The following TBC1D30 variants were observed in gnomAD, a reference collection of about 807,000 sequenced individuals.
TBC1D30 encodes TBC1 domain family, member 30.
TBC1D30 carries 31 observed loss-of-function variants against 63.2 expected under a neutral mutation model. That is an observed-to-expected ratio of 0.49 (90% CI 0.37 to 0.66). TBC1D30 has a LOEUF of 0.66. Among genes scored for constraint, TBC1D30 ranks in the 30% least tolerant of loss-of-function variants. The pLI is 0.00. For synonymous variants in TBC1D30, 307 were observed against 361.5 expected (o/e 0.85, Z 1.71); for missense variants, 810 against 953.6 (o/e 0.85, Z 1.98).
In TBC1D30 at chr12:64,880,097, T is replaced by C; in HGVS notation, c.*4309T>C. 1 of 152,212 alleles carries C rather than the reference T, an allele frequency of 6.6e-6. No individual in the cohort carries two copies. 9.4% of individuals were successfully genotyped at this position (152,212 alleles called of 1,614,324 possible). ...CCATTGAAGTGGGAGTTATCTGTTA[T>C]CCACATCAGGCAGCTCAGAGTAAAG... On this transcript the variant is annotated 3_prime_UTR_variant, in exon 12 of 12. Coordinates refer to ENST00000539867, the MANE Select transcript of TBC1D30 (RefSeq NM_015279.2).
chr12:64,787,468 C>G (rs1188743651), intron 2 of TBC1D30: 4 of 651,646 alleles, frequency 6.1e-6, no homozygotes, highest in African/African-American at 2.0e-5. Context: ...TTTTGTTGCT[C>G]TTTCACTCTG....
At chr12:64,834,746 C>G (rs1170982405) in intron 5 of TBC1D30, among the ~76,000 whole-genome samples, 1 of 126,110 alleles carries the variant, frequency 7.9e-6, no homozygotes, top group Non-Finnish European at 1.6e-5. Flanking sequence ...TAAGATTTGA[C>G]CTTGGAAATA....
chr12:64,858,659 C>T lies in TBC1D30; in HGVS notation c.1039-6009C>T, dbSNP rs911239309. On this transcript the variant is annotated intron_variant, in intron 8 of 11. Coordinates refer to ENST00000539867, the MANE Select transcript of TBC1D30 (RefSeq NM_015279.2). Reference sequence around the variant, plus strand: ...GTCATTTCCTTGCTCTACACTAAGTCCTTCAGCACTTCCTTGTTACTAACC... The same window carrying T: ...GTCATTTCCTTGCTCTACACTAAGTTCTTCAGCACTTCCTTGTTACTAACC... Among the ~76,000 whole-genome samples, 123 of 152,206 alleles carry T rather than the reference C, an allele frequency of 8.1e-4. 1 individual carries two copies. Among genetic ancestry groups the T allele is most frequent in the Admixed American group, 8.1e-3 (123 of 15,276 alleles).
chr12:64,789,607 A>G (rs1871807117), intron 2 of TBC1D30, among the ~76,000 whole-genome samples: 1 of 152,208 alleles, frequency 6.6e-6, no homozygotes, highest in Non-Finnish European at 1.5e-5. Context: ...TCACAAGTAA[A>G]TATAATTAAT....
chr12:64,775,570 G>T (rs547753841), upstream of TBC1D30, among the ~76,000 whole-genome samples: 13 of 152,246 alleles, frequency 8.5e-5, no homozygotes, highest in African/African-American at 2.6e-4. Context: ...AATTCAACAA[G>T]AAGACCTAAC....
chr12:64,780,609 T>C (rs975334097), exon 1 of TBC1D30, among the ~76,000 whole-genome samples: 1 of 152,106 alleles, frequency 6.6e-6, no homozygotes, highest in East Asian at 1.9e-4. Context: ...GCAGTCTCCT[T>C]CTCGCCCGGT....
intron 8 of TBC1D30, among the ~76,000 whole-genome samples, chr12:64,861,205 C>A (rs929309964): frequency 1.3e-5 from 2 of 152,144 alleles, no homozygotes; most frequent in African/African-American, 4.8e-5. Flanking sequence ...CTCATGTTTT[C>A]ATATTTCTTG....
chr12:64,762,746 A>G (rs1262810209), intron 1 of TBC1D30, among the ~76,000 whole-genome samples: 1 of 152,150 alleles, frequency 6.6e-6, no homozygotes, highest in Non-Finnish European at 1.5e-5. Flanking sequence ...TCATCTCTTC[A>G]TATGATGTTA....
chr12:64,870,536 T>C (rs972666211), intron 10 of TBC1D30, 66 bp from the exon 11 acceptor site: 3 of 1,320,908 alleles, frequency 2.3e-6, no homozygotes, highest in Non-Finnish European at 3.2e-6. Context: ...TGTAGTGTTA[T>C]CAATTTCCAT....
At chr12:64,868,463 G>C (rs1410730279) in intron 10 of TBC1D30, 3 of 240,624 alleles carry the variant, frequency 1.2e-5, no homozygotes, top group Non-Finnish European at 2.4e-5. Flanking sequence ...CATAGAAGTT[G>C]CCAGCTTTTC....
At chr12:64,825,252 A>G in intron 1 of TBC1D30, 1 of 517,924 alleles carries the variant, frequency 1.9e-6, no homozygotes, top group East Asian at 3.5e-5. Context: ...CCAGGCGCGG[A>G]GAACCCGCTG....
At chr12:64,761,506 T>C (rs1010679818) in intron 1 of TBC1D30, among the ~76,000 whole-genome samples, 2 of 152,176 alleles carry the variant, frequency 1.3e-5, no homozygotes, top group African/African-American at 4.8e-5. Context: ...ATAAAGACCT[T>C]ACTGATGAAA....
upstream of TBC1D30, among the ~76,000 whole-genome samples, chr12:64,823,076 C>T (rs1312761493): frequency 2.6e-5 from 4 of 151,944 alleles, no homozygotes; most frequent in Non-Finnish European, 5.9e-5. Context: ...TAGTGTTTCC[C>T]ATATAAATAT....
intron 8 of TBC1D30, among the ~76,000 whole-genome samples, chr12:64,853,670 A>G (rs535825889): frequency 6.6e-6 from 1 of 152,316 alleles, no homozygotes; most frequent in South Asian, 2.1e-4. Flanking sequence ...GACCATGGGA[A>G]AAGCATAGTA....
intron 1 of TBC1D30, among the ~76,000 whole-genome samples, chr12:64,773,980 A>G (rs1870990742): frequency 6.6e-6 from 1 of 152,242 alleles, no homozygotes; most frequent in Admixed American, 6.5e-5. Context: ...CAGAATATGG[A>G]TAGGAACAAA....
In TBC1D30 at chr12:64,864,761, A is replaced by C. The variant is rs534757491; in HGVS notation, c.1132A>C (p.Lys378Gln). Reference sequence around the variant, plus strand: ...CATTACACCGTTCCCAGCCACAGTTAAACCCACCTCAGTTTCTGGGTAAGG... The same window carrying C: ...CATTACACCGTTCCCAGCCACAGTTCAACCCACCTCAGTTTCTGGGTAAGG... ...YNITPFPATV[K>Q]PTSVSGRHSK... Residue 378 changes from lysine to glutamine, a missense_variant, in exon 9 of 12, where the codon AAA becomes CAA. Transcript: ENST00000539867. 1 of 1,535,906 alleles carries C rather than the reference A, an allele frequency of 6.5e-7. No homozygotes were observed. The highest frequency in any genetic ancestry group is 1.2e-5 in the South Asian group (1 of 84,004).
chr12:64,777,253 G>A (rs1368329764), upstream of TBC1D30, among the ~76,000 whole-genome samples: 1 of 152,102 alleles, frequency 6.6e-6, no homozygotes, highest in Admixed American at 6.6e-5. Flanking sequence ...GGAAGTTCTG[G>A]CCAGGGCAAT....
chr12:64,806,615 T>C (rs1018378377), intron 2 of TBC1D30, among the ~76,000 whole-genome samples: 1 of 152,196 alleles, frequency 6.6e-6, no homozygotes, highest in Non-Finnish European at 1.5e-5. Flanking sequence ...GAAAACAGTA[T>C]GGTGGTTCCT....
At chr12:64,869,145 A>C (rs549239203) in intron 10 of TBC1D30, among the ~76,000 whole-genome samples, 10 of 152,274 alleles carry the variant, frequency 6.6e-5, no homozygotes, top group Non-Finnish European at 1.2e-4. Context: ...CCTTGTTCAA[A>C]GATATTAGAA....
Sources: allele counts gnomAD v4.1 joint callset (sites outside exome capture counted in the v4.1 genomes callset), GRCh38; gene constraint gnomAD v4.1.1; transcripts MANE v1.5; gene names NCBI Gene and HGNC (gene_info 2026-07-23, HGNC 2026-07-21).